Variants in RILPL1 observed in about 807,000 individuals in gnomAD.
RILPL1 encodes the protein RILP-like protein 1.
RILPL1 carries 33 observed loss-of-function variants against 50.3 expected under a neutral mutation model. The ratio of observed to expected loss-of-function variants is 0.66; its 90% CI spans 0.50 to 0.88. The LOEUF (loss-of-function observed/expected upper bound fraction) is 0.88. Among genes scored for constraint, RILPL1 ranks in the 40% least tolerant of loss-of-function variants. The pLI is 0.00. For synonymous variants in RILPL1, 205 were observed against 228.6 expected (o/e 0.90, Z 0.93); for missense variants, 418 against 542.5 (o/e 0.77, Z 2.28).
intron 6 of RILPL1, chr12:123,473,093 A>G (rs11535679): frequency 0.82 from 143,589 of 175,726 alleles, 59,133 homozygotes; most frequent in East Asian, 1. Context: ...GTTGTAAACG[A>G]ATGAGTATTT....
At position 123,475,716 on chromosome 12, in the gene RILPL1, C is replaced by T. The variant is rs1306244779; in HGVS notation, c.1068-3034G>A. ...AGTGTGGGGTCATCTATTATCAGTCCCGCTGCTACCATAGGCATTATGGCT... is the reference window on the plus strand; with the variant it reads ...AGTGTGGGGTCATCTATTATCAGTCTCGCTGCTACCATAGGCATTATGGCT... On this transcript the variant is annotated intron_variant, in intron 6 of 6. Transcript: ENST00000376874. 3 of 1,593,756 alleles carry T rather than the reference C, an allele frequency of 1.9e-6. No individual in the cohort carries two copies. The Admixed American group carries it at 5.1e-5, about 27-fold the overall frequency.
chr12:123,485,071 G>A lies in RILPL1; in HGVS notation c.974+562C>T. On this transcript the variant is annotated intron_variant, in intron 5 of 6. Transcript: ENST00000376874. The surrounding 1 kb of genome is among the most constrained non-coding windows in gnomAD (Gnocchi z 4.0). Reference sequence around the variant, plus strand: ...CCCCACTGGAGCAGGGACCACCTCTGGTGCATGGGTCCTTCCTTCCAGCTT... The same window carrying A: ...CCCCACTGGAGCAGGGACCACCTCTAGTGCATGGGTCCTTCCTTCCAGCTT... 1 of 448,156 alleles carries A rather than the reference G, an allele frequency of 2.2e-6. No individual in the cohort carries two copies. Among genetic ancestry groups the A allele is most frequent in the Non-Finnish European group, 4.5e-6 (1 of 220,538 alleles). The allele number at this position is 448,156 out of a possible 1,614,324, so 27.8% of individuals were successfully genotyped here. A position where few individuals can be genotyped will look rare whatever the true frequency, so the allele number is the denominator to read the frequency against.
chr12:123,502,963 C>T (rs1883492721), intron 2 of RILPL1, among the ~76,000 whole-genome samples: 2 of 151,692 alleles, frequency 1.3e-5, no homozygotes, highest in South Asian at 2.1e-4. Flanking sequence ...TCTCGGCTCA[C>T]TGCAGCCTCC....
chr12:123,490,993 G>A (rs1261186852), intron 4 of RILPL1, among the ~76,000 whole-genome samples: 1 of 149,540 alleles, frequency 6.7e-6, no homozygotes, highest in Non-Finnish European at 1.5e-5. Flanking sequence ...CAGGTGATCC[G>A]CCTGCCTCAG....
intron 2 of RILPL1, chr12:123,513,476 C>T (rs1884511408): frequency 9.0e-5 from 22 of 245,522 alleles, no homozygotes; most frequent in South Asian, 7.4e-4. Context: ...CCTTCCTGGG[C>T]GGCAGCCGTA....
chr12:123,524,665 C>A (rs1885186397), intron 1 of RILPL1, among the ~76,000 whole-genome samples: 1 of 152,142 alleles, frequency 6.6e-6, no homozygotes, highest in Non-Finnish European at 1.5e-5. Flanking sequence ...GGAAAGAAGC[C>A]AGACACAAAA....
rs1340733823 is a variant in RILPL1, at chr12:123,499,441, G to C, written c.556C>G (p.Leu186Val). The C allele has an allele frequency of 6.2e-7, 1 of 1,613,732 alleles. No homozygotes were observed. The highest frequency in any genetic ancestry group is 1.3e-5 in the African/African-American group (1 of 74,906). Residue 186 changes from leucine (L) to valine (V), a missense_variant, in exon 3 of 7, where the codon CTG becomes GTG. Coordinates refer to ENST00000376874, the MANE Select transcript of RILPL1 (RefSeq NM_178314.5). Reference protein sequence around the residue: ...EIRAKDRELGLKNEDVEALQQ... With the variant: ...EIRAKDRELGVKNEDVEALQQ... ...ACAGCCTCAACGTCCTCATTTTTCA[G>C]GCCCAGCTCCCTGTCCTTGGCGCGG... is the stretch of plus-strand genomic sequence containing the variant.
rs1185549696 is a variant in RILPL1, at chr12:123,472,587, C to G, written c.1163G>C (p.Arg388Pro). ...ESFGQWANTH[R>P]DDGYTEQGQE... Reference sequence around the variant, plus strand: ...TCCTTGCTCTGTGTAACCGTCATCGCGGTGGGTGTTTGCCCACTGTCCAAA... The same window carrying G: ...TCCTTGCTCTGTGTAACCGTCATCGGGGTGGGTGTTTGCCCACTGTCCAAA... The change falls in exon 7 of 7, where the codon CGC becomes CCC. Residue 388 changes from arginine (R) to proline (P), a missense_variant. Physicochemically the swap from Arg to Pro is moderately radical, Grantham distance 103. Coordinates refer to ENST00000376874, the MANE Select transcript of RILPL1 (RefSeq NM_178314.5). 2 of 1,560,868 alleles carry G rather than the reference C, an allele frequency of 1.3e-6. No individual in the cohort carries two copies. The highest frequency in any genetic ancestry group is 2.4e-5 in the South Asian group (2 of 84,552).
In RILPL1 at chr12:123,484,268, C is replaced by T; in HGVS notation, c.979G>A (p.Glu327Lys). 1 of 1,601,712 alleles carries T rather than the reference C, an allele frequency of 6.2e-7. No homozygotes were observed. Among genetic ancestry groups the T allele is most frequent in the Non-Finnish European group, 8.6e-7 (1 of 1,168,760 alleles). The part of the protein sequence containing the change: ...QEELAYYKSE[E>K]MEEENRIPQP... ...GGTATTCGGTTTTCCTCTTCCATTT[C>T]TTCACTGGAAGGAGATGAGAGGCGT... The change falls in exon 6 of 7, where the codon GAA (glutamate) becomes AAA (lysine). Residue 327 changes from glutamate to lysine, a missense_variant. Physicochemically the swap from Glu to Lys is moderately conservative, Grantham distance 56. Coordinates refer to ENST00000376874, the MANE Select transcript of RILPL1 (RefSeq NM_178314.5).
chr12:123,521,650 T>TAC (rs1487452684), intron 2 of RILPL1, among the ~76,000 whole-genome samples: 4 of 24,258 alleles, frequency 1.6e-4, no homozygotes, highest in Admixed American at 6.9e-4. Context: ...TGTATATATA[T>TAC]ACACATATAT....
At chr12:123,516,994 G>A (rs577704773) in intron 2 of RILPL1, among the ~76,000 whole-genome samples, 3 of 152,274 alleles carry the variant, frequency 2.0e-5, no homozygotes, top group Admixed American at 2.0e-4. Flanking sequence ...AGGAGGTGAG[G>A]GAGGAGGAGG....
chr12:123,503,186 C>CTTTTT (rs373514624), intron 2 of RILPL1, among the ~76,000 whole-genome samples: 2,968 of 80,512 alleles, frequency 0.037, 598 homozygotes, highest in Non-Finnish European at 0.052. Context: ...CACGCCTGGC[C>CTTTTT]TTTTTTTTTT....
chr12:123,475,406 G>C, intron 6 of RILPL1: 1 of 507,822 alleles, frequency 2.0e-6, no homozygotes. Context: ...TGGGCAAGGT[G>C]GTTTTAAAAC....
At chr12:123,502,913 A>C (rs1295764715) in intron 2 of RILPL1, among the ~76,000 whole-genome samples, 1 of 151,926 alleles carries the variant, frequency 6.6e-6, no homozygotes, top group Non-Finnish European at 1.5e-5. Flanking sequence ...TTTGAGACAG[A>C]GTCTCACTGT....
Position 123,491,880 on chromosome 12 carries a change from A to T in RILPL1, c.802-6075T>A, listed in dbSNP as rs1286358186. 1.3e-5 allele frequency among the ~76,000 whole-genome samples: 2 copies of T among 152,008 alleles called. No individual in the cohort carries two copies. The highest frequency in any genetic ancestry group is 3.9e-4 in the East Asian group (2 of 5,160). Reference sequence around the variant, plus strand: ...AAATGAGCTGGGTGTGGTGGCGCACACCTGTAATCCCAGCTACTCGGGAGG... The same window carrying T: ...AAATGAGCTGGGTGTGGTGGCGCACTCCTGTAATCCCAGCTACTCGGGAGG... On this transcript the variant is annotated intron_variant, in intron 4 of 6. Transcript: ENST00000376874. The surrounding 1 kb of genome is among the most constrained non-coding windows in gnomAD (Gnocchi z 4.0).
rs372073793 is a variant in RILPL1, at chr12:123,528,326, G to A, written c.310-4681C>T. The stretch of plus-strand genomic sequence containing the variant: ...GTGAGCCAATGGTCACGCACGGCAC[G>A]CCAGCCTGGGCAACAGAGTGAGATG... On this transcript the variant is annotated intron_variant, in intron 1 of 6. Transcript: ENST00000376874. Among the ~76,000 whole-genome samples, 6 of 147,094 alleles carry A rather than the reference G, an allele frequency of 4.1e-5. No homozygotes were observed. The South Asian group carries it at 1.1e-3, about 27-fold the overall frequency.
intron 2 of RILPL1, among the ~76,000 whole-genome samples, chr12:123,511,367 CTGTGTGAGGTCTGTGTGTGTGG>C (rs1884177365): frequency 3.1e-5 from 2 of 65,012 alleles, no homozygotes; most frequent in Non-Finnish European, 6.7e-5. Context: ...TGTGTGGTGT[CTGTGTGAGGTCTGTGTGTGTGG>C]TGTGTGAGGT....
chr12:123,533,455 C>T lies in RILPL1; in HGVS notation c.28G>A (p.Ala10Thr). 10 of 1,529,640 alleles carry T rather than the reference C, an allele frequency of 6.5e-6. No individual in the cohort carries two copies. Among genetic ancestry groups the T allele is most frequent in the Non-Finnish European group, 7.9e-6 (9 of 1,135,686 alleles). 94.8% of individuals were successfully genotyped at this position (1,529,640 alleles called of 1,614,324 possible). A position where few individuals can be genotyped will look rare whatever the true frequency, so the allele number is the denominator to read the frequency against. MEEERGSAL[A>T]AESALEKNVA... ...TTCTTCTCCAGCGCCGACTCGGCCG[C>T]CAGCGCCGACCCCCGCTCCTCCTCC... is the stretch of plus-strand genomic sequence containing the variant. The change falls in exon 1 of 7, where the codon GCG (alanine) becomes ACG (threonine). Residue 10 changes from alanine to threonine, a missense_variant. Transcript: ENST00000376874. This position sits in a 1 kb window ranked among gnomAD's most constrained non-coding sequence, Gnocchi z 6.2.
chr12:123,519,014 C>T (rs1438157194), intron 2 of RILPL1, among the ~76,000 whole-genome samples: 1 of 147,926 alleles, frequency 6.8e-6, no homozygotes, highest in East Asian at 2.0e-4. Flanking sequence ...CCGAGATTGC[C>T]CCACTGCACT....
Sources: allele counts gnomAD v4.1 joint callset (sites outside exome capture counted in the v4.1 genomes callset), GRCh38; gene constraint gnomAD v4.1.1; non-coding constraint Gnocchi (gnomAD v3.1); transcripts MANE v1.5; gene names NCBI Gene and HGNC (gene_info 2026-07-23, HGNC 2026-07-21).